Variants in PARD3B observed in about 807,000 individuals in gnomAD.
PARD3B encodes the protein par-3 family cell polarity regulator beta, also known as partitioning defective 3 homolog B.
In PARD3B, 103 loss-of-function variants were observed where a neutral mutation model predicts 130.2. The observed-to-expected ratio is 0.79, with a 90% CI of 0.67 to 0.93. PARD3B has a LOEUF of 0.93. PARD3B is among the 40% of genes least tolerant of loss of function. PARD3B has a pLI of 0.00. For synonymous variants in PARD3B, 583 were observed against 553.2 expected (o/e 1.05, Z -0.76); for missense variants, 1,609 against 1,499.2 (o/e 1.07, Z -1.21).
At chr2:205,207,477 T>C (rs1226385935) in intron 15 of PARD3B, among the ~76,000 whole-genome samples, 2 of 145,844 alleles carry the variant, frequency 1.4e-5, no homozygotes, top group Non-Finnish European at 3.0e-5. Flanking sequence ...CTAGCAAGAC[T>C]AATAAAGAAA....
chr2:205,064,083 G>A (rs1039852680), intron 4 of PARD3B, among the ~76,000 whole-genome samples: 6 of 152,168 alleles, frequency 3.9e-5, no homozygotes, highest in Non-Finnish European at 5.9e-5. Flanking sequence ...ACTTATAATC[G>A]CATTGAGGAG....
At chr2:204,584,946 C>CT (rs2032751526) in intron 1 of PARD3B, among the ~76,000 whole-genome samples, 1 of 152,196 alleles carries the variant, frequency 6.6e-6, no homozygotes, top group Admixed American at 6.5e-5. Flanking sequence ...CAGGAAGCAA[C>CT]TGCATCATCC....
chr2:204,914,326 T>G (rs1425305606), intron 2 of PARD3B, among the ~76,000 whole-genome samples: 1 of 152,150 alleles, frequency 6.6e-6, no homozygotes, highest in Non-Finnish European at 1.5e-5. Context: ...AAGGACCCCG[T>G]TTTTAGCTGA....
chr2:205,457,647 C>G (rs2048319964), intron 20 of PARD3B, among the ~76,000 whole-genome samples: 1 of 151,746 alleles, frequency 6.6e-6, no homozygotes, highest in South Asian at 2.1e-4. Flanking sequence ...AGTTTTATTT[C>G]ATCTTTATTT....
chr2:205,052,164 A>AT (rs1177464177), intron 4 of PARD3B, among the ~76,000 whole-genome samples: 9 of 151,644 alleles, frequency 5.9e-5, no homozygotes, highest in Non-Finnish European at 1.2e-4. Context: ...AACAGATGTG[A>AT]TTTTTTTCTT....
intron 20 of PARD3B, among the ~76,000 whole-genome samples, chr2:205,489,522 T>TATATACACATATATATAC (rs1559141351): frequency 7.9e-6 from 1 of 126,416 alleles, no homozygotes; most frequent in African/African-American, 2.9e-5. Flanking sequence ...TATATATATA[T>TATATACACATATATATAC]ACACACATAT....
chr2:204,673,711 G>A lies in PARD3B; in HGVS notation c.121-12470G>A, dbSNP rs182163447. ...TACTCCCCATCCTCCTCATCCTACT[G>A]TATTTTATCTCTCAAATTGCTTATC... On this transcript the variant is annotated intron_variant, in intron 1 of 22. Transcript: ENST00000406610. This position sits in a 1 kb window ranked among gnomAD's most constrained non-coding sequence, Gnocchi z 4.7. 6.6e-6 allele frequency among the ~76,000 whole-genome samples: 1 copy of A among 152,160 alleles called. No homozygotes were observed. The highest frequency in any genetic ancestry group is 1.9e-4 in the East Asian group (1 of 5,172).
intron 2 of PARD3B, among the ~76,000 whole-genome samples, chr2:204,929,455 G>T (rs1687866660): frequency 6.6e-6 from 1 of 152,028 alleles, no homozygotes; most frequent in African/African-American, 2.4e-5. Flanking sequence ...AATACAGTTT[G>T]TAAATTGATA....
At chr2:205,025,371 A>T (rs1222469585) in intron 3 of PARD3B, among the ~76,000 whole-genome samples, 1 of 152,138 alleles carries the variant, frequency 6.6e-6, no homozygotes, top group Non-Finnish European at 1.5e-5. Flanking sequence ...TCTCCTACAG[A>T]TCTGACCGTG....
In PARD3B at chr2:204,710,110, A is replaced by C. The variant is rs999283545; in HGVS notation, c.222+23828A>C. Among the ~76,000 whole-genome samples the C allele has an allele frequency of 2.0e-5, 3 of 152,178 alleles. No homozygotes were observed. In the East Asian group the frequency reaches 5.8e-4, roughly 29 times the overall value. On this transcript the variant is annotated intron_variant, in intron 2 of 22. Coordinates refer to ENST00000406610, the MANE Select transcript of PARD3B (RefSeq NM_001302769.2). ...TACGTTAAAATAAGATTTCAGAAAA[A>C]TTCTGTGAGAAAAGTGATCAGGTCT...
In PARD3B at chr2:205,550,953, G is replaced by A. The variant is rs867995319; in HGVS notation, c.3181-2371G>A. On this transcript the variant is annotated intron_variant, in intron 21 of 22. Transcript: ENST00000406610. This position sits in a 1 kb window ranked among gnomAD's most constrained non-coding sequence, Gnocchi z 4.5. Reference sequence around the variant, plus strand: ...TGTGTGTGTGTGTGTATATATATATGTGTATATATATATATATATATATAC... The same window carrying A: ...TGTGTGTGTGTGTGTATATATATATATGTATATATATATATATATATATAC... 2.4e-3 allele frequency among the ~76,000 whole-genome samples: 122 copies of A among 49,838 alleles called. No individual in the cohort carries two copies. The highest frequency in any genetic ancestry group is 0.014 in the Middle Eastern group (1 of 70). The allele number at this position is 49,838 out of a possible 152,430, so 32.7% of individuals were successfully genotyped here.
chr2:204,739,530 C>T (rs1367569244), intron 2 of PARD3B, among the ~76,000 whole-genome samples: 2 of 152,108 alleles, frequency 1.3e-5, no homozygotes, highest in Admixed American at 6.6e-5. Context: ...TCATAGCTCA[C>T]TACAGCCTCA....
chr2:204,688,579 A>T lies in PARD3B; in HGVS notation c.222+2297A>T, dbSNP rs370995095. On this transcript the variant is annotated intron_variant, in intron 2 of 22. Transcript: ENST00000406610. ...TGGGTGACAGAGCAAGACTCCATCT[A>T]AAAAAAAAAAAAAAAAAAGGTGAAA... is the stretch of plus-strand genomic sequence containing the variant. 6.3e-4 allele frequency among the ~76,000 whole-genome samples: 72 copies of T among 114,126 alleles called. 1 individual carries two copies. The highest frequency in any genetic ancestry group is 8.5e-3 in the Middle Eastern group (2 of 236). 74.9% of individuals were successfully genotyped at this position (114,126 alleles called of 152,430 possible).
rs2030880070 is a variant in PARD3B, at chr2:205,122,626, TC to T, written c.1165+682del. Among the ~76,000 whole-genome samples the T allele has an allele frequency of 6.6e-6, 1 of 152,072 alleles. No homozygotes were observed. Among genetic ancestry groups the T allele is most frequent in the African/African-American group, 2.4e-5 (1 of 41,394 alleles). On this transcript the variant is annotated intron_variant, in intron 8 of 22. Transcript: ENST00000406610. This position sits in a 1 kb window ranked among gnomAD's most constrained non-coding sequence, Gnocchi z 4.3. ...TTGTAACCTCTGCTTTATATTACCT[TC>T]CCCCATTGCAACCTTCTGAAATTCT...
At chr2:205,272,584 G>A (rs1054324903) in intron 16 of PARD3B, among the ~76,000 whole-genome samples, 5 of 152,158 alleles carry the variant, frequency 3.3e-5, no homozygotes, top group Admixed American at 3.3e-4. Flanking sequence ...GAGGAGGCAG[G>A]CAGGCTAGGG....
chr2:205,533,080 A>G (rs187543790), intron 21 of PARD3B, among the ~76,000 whole-genome samples: 93 of 152,346 alleles, frequency 6.1e-4, no homozygotes, highest in African/African-American at 2.1e-3. Flanking sequence ...ATAATAACAC[A>G]AAATCACTGT....
At chr2:205,204,382 GTTCCCA>G (rs2037166167) in intron 15 of PARD3B, among the ~76,000 whole-genome samples, 1 of 152,010 alleles carries the variant, frequency 6.6e-6, no homozygotes, top group Non-Finnish European at 1.5e-5. Context: ...GCAAAAATTT[GTTCCCA>G]TTCTGTAGGT....
intron 3 of PARD3B, among the ~76,000 whole-genome samples, chr2:204,968,196 G>T (rs1233461732): frequency 6.6e-5 from 10 of 152,074 alleles, no homozygotes; most frequent in Non-Finnish European, 7.4e-5. Flanking sequence ...TAATTAAGCA[G>T]ACACAATTCA....
intron 5 of PARD3B, among the ~76,000 whole-genome samples, chr2:205,111,966 C>T (rs1703677949): frequency 6.6e-6 from 1 of 151,964 alleles, no homozygotes. Flanking sequence ...TCTTGAAAGC[C>T]ATACAACTTT....
Sources: allele counts gnomAD v4.1 joint callset (sites outside exome capture counted in the v4.1 genomes callset), GRCh38; gene constraint gnomAD v4.1.1; non-coding constraint Gnocchi (gnomAD v3.1); transcripts MANE v1.5; gene names NCBI Gene and HGNC (gene_info 2026-07-23, HGNC 2026-07-21).